Variants in PPM1L observed in about 807,000 individuals in gnomAD.
The protein encoded by PPM1L is protein phosphatase, Mg2+/Mn2+ dependent 1L.
Under a neutral mutation model 31.4 loss-of-function variants are expected in PPM1L, and 13 were observed. That is an observed-to-expected ratio of 0.41 (90% confidence interval 0.27 to 0.66). The LOEUF (loss-of-function observed/expected upper bound fraction) is 0.66, where lower values mean the gene tolerates loss of function less well. Ranked by LOEUF, PPM1L falls within the 30% of genes least tolerant of loss-of-function variation. The probability of loss-of-function intolerance (pLI) is 0.29; values close to 1 mark genes in which losing one functional copy is unlikely to be tolerated. For missense variants in PPM1L, 326 were observed against 453.7 expected, an observed-to-expected ratio of 0.72 and a Z score of 2.56; for synonymous variants, 184 against 175.4, an observed-to-expected ratio of 1.05 and a Z score of -0.39.
At chr3:160,790,879 C>T (rs936025005) in intron 1 of PPM1L, among the ~76,000 whole-genome samples, 5 of 151,978 alleles carry the variant, frequency 3.3e-5, no homozygotes, top group Admixed American at 2.6e-4. Context: ...GTATGTTTGA[C>T]GTGGGAAGGA....
chr3:160,967,367 A>G (rs1716187053), intron 2 of PPM1L, among the ~76,000 whole-genome samples: 1 of 151,930 alleles, frequency 6.6e-6, no homozygotes, highest in African/African-American at 2.4e-5. Flanking sequence ...TGGCTGATAA[A>G]CTACAGAACT....
chr3:160,889,866 A>G (rs1713072792), intron 1 of PPM1L, among the ~76,000 whole-genome samples: 1 of 152,222 alleles, frequency 6.6e-6, no homozygotes, highest in Admixed American at 6.5e-5. Context: ...ATCAATAAAC[A>G]TAATCCATCA....
At chr3:161,050,681 C>T (rs1719245551) in intron 2 of PPM1L, among the ~76,000 whole-genome samples, 1 of 151,840 alleles carries the variant, frequency 6.6e-6, no homozygotes, top group Non-Finnish European at 1.5e-5. Flanking sequence ...AATATATATT[C>T]TTCAGAAACA....
At chr3:160,853,749 G>A (rs1711594280) in intron 1 of PPM1L, among the ~76,000 whole-genome samples, 1 of 152,156 alleles carries the variant, frequency 6.6e-6, no homozygotes, top group African/African-American at 2.4e-5. Flanking sequence ...TCTATAAGGT[G>A]TATACATTAT....
intron 1 of PPM1L, among the ~76,000 whole-genome samples, chr3:160,903,193 G>GTGTGTGTGTGTGTGTGT (rs1553819620): frequency 1.6e-5 from 2 of 124,104 alleles, no homozygotes; most frequent in Non-Finnish European, 3.6e-5. Context: ...GTGTGTGTGT[G>GTGTGTGTGTGTGTGTGT]GTATGTGTGT....
chr3:160,945,479 G>T (rs1715380369), intron 1 of PPM1L, among the ~76,000 whole-genome samples: 1 of 152,010 alleles, frequency 6.6e-6, no homozygotes, highest in Admixed American at 6.6e-5. Flanking sequence ...GTATTGAGAA[G>T]GAATCTCAGG....
intron 2 of PPM1L, among the ~76,000 whole-genome samples, chr3:161,049,569 C>T (rs1719202811): frequency 6.6e-6 from 1 of 152,214 alleles, no homozygotes; most frequent in Non-Finnish European, 1.5e-5. Flanking sequence ...AAATCTTCGT[C>T]TTCTACTCAA....
intron 2 of PPM1L, among the ~76,000 whole-genome samples, chr3:161,024,465 G>T (rs1718324694): frequency 6.6e-6 from 1 of 151,864 alleles, no homozygotes; most frequent in Non-Finnish European, 1.5e-5. Context: ...TTGGGAGGCG[G>T]AGGCGGGCAG....
chr3:161,011,691 G>A (rs982890262), intron 2 of PPM1L, among the ~76,000 whole-genome samples: 42 of 151,962 alleles, frequency 2.8e-4, no homozygotes, highest in African/African-American at 2.2e-4. Flanking sequence ...CTTTTATTTC[G>A]TTGAGCAGTG....
intron 1 of PPM1L, among the ~76,000 whole-genome samples, chr3:160,808,318 T>TGC (rs1365387903): frequency 7.0e-6 from 1 of 143,464 alleles, no homozygotes; most frequent in African/African-American, 2.8e-5. Context: ...TGTGTGTGTG[T>TGC]GTGCGTGCAT....
intron 2 of PPM1L, among the ~76,000 whole-genome samples, chr3:160,993,998 G>T (rs1717222735): frequency 6.7e-6 from 1 of 148,710 alleles, no homozygotes; most frequent in South Asian, 2.2e-4. Context: ...TCTCATGTAT[G>T]TAAGTAAATT....
intron 2 of PPM1L, among the ~76,000 whole-genome samples, chr3:161,052,686 T>C (rs775147076): frequency 6.6e-6 from 1 of 152,218 alleles, no homozygotes; most frequent in African/African-American, 2.4e-5. Flanking sequence ...CACATGTATA[T>C]GTAAATAGAT....
At chr3:160,884,367 A>G (rs953689042) in intron 1 of PPM1L, among the ~76,000 whole-genome samples, 2 of 152,144 alleles carry the variant, frequency 1.3e-5, no homozygotes, top group African/African-American at 4.8e-5. Context: ...CATTCCAGGT[A>G]TTAATAGATC....
rs1380699592 is a variant in PPM1L at position 161,069,293 on chromosome 3, A to G, written c.*136A>G. 1.4e-6 allele frequency: 1 copy of G among 705,288 alleles called. No homozygotes were observed. The highest frequency in any genetic ancestry group is 1.8e-5 in the African/African-American group (1 of 55,692). The allele number at this position is 705,288 out of a possible 1,614,324, so 43.7% of individuals were successfully genotyped here. On this transcript the variant is annotated 3_prime_UTR_variant, in exon 4 of 4. Coordinates refer to ENST00000498165, the MANE Select transcript of PPM1L (RefSeq NM_139245.4). ...GGAATCCCCCCTCCCTGGTGGTCTT[A>G]GGTCTATAATCAGTGACGAACAGAG...
chr3:160,945,605 T>C (rs769426728), intron 1 of PPM1L, among the ~76,000 whole-genome samples: 12 of 152,186 alleles, frequency 7.9e-5, no homozygotes, highest in Non-Finnish European at 1.5e-4. Flanking sequence ...TGGTTGCCTT[T>C]ATTTCTTTGC....
intron 1 of PPM1L, among the ~76,000 whole-genome samples, chr3:160,861,568 G>T (rs1347142460): frequency 2.6e-5 from 4 of 152,116 alleles, no homozygotes; most frequent in Non-Finnish European, 5.9e-5. Flanking sequence ...TTGAGATTCA[G>T]TTTCCTAATC....
intron 2 of PPM1L, among the ~76,000 whole-genome samples, chr3:160,963,856 A>G (rs16831667): frequency 0.022 from 3,392 of 152,134 alleles, 143 homozygotes; most frequent in African/African-American, 0.077. Context: ...TTGGCATAGA[A>G]TTAATCTGTC....
At position 160,835,064 on chromosome 3, in the gene PPM1L, C is replaced by CTTCTTCTTCTTT. The variant is rs1560120524; in HGVS notation, c.399+78368_399+78369insTTTCTTCTTCTT. The stretch of plus-strand genomic sequence containing the variant: ...ACTTCTTCTTCTTCTTCTTCTTCTT[C>CTTCTTCTTCTTT]TTCTTCTTCTTCTTCTTCTTCTTTC... On this transcript the variant is annotated intron_variant, in intron 1 of 3. Transcript: ENST00000498165. Among the ~76,000 whole-genome samples the CTTCTTCTTCTTT allele has an allele frequency of 1.1e-3, 158 of 146,758 alleles. 2 individuals carry two copies. Among genetic ancestry groups the CTTCTTCTTCTTT allele is most frequent in the African/African-American group, 4.0e-3 (153 of 37,918 alleles).
chr3:160,917,834 G>A (rs1714243214), intron 1 of PPM1L, among the ~76,000 whole-genome samples: 1 of 152,146 alleles, frequency 6.6e-6, no homozygotes, highest in Admixed American at 6.5e-5. Context: ...CCAACAATGT[G>A]ATGGCCCATG....
Sources: allele counts gnomAD v4.1 joint callset (sites outside exome capture counted in the v4.1 genomes callset), GRCh38; gene constraint gnomAD v4.1.1; transcripts MANE v1.5; gene names NCBI Gene and HGNC (gene_info 2026-07-23, HGNC 2026-07-21).